BRINP3: variants seen among roughly 807,000 people sequenced by gnomAD.
The protein encoded by BRINP3 is BMP/retinoic acid-inducible neural-specific protein 3.
A neutral mutation model predicts 71.0 loss-of-function variants in BRINP3; 19 were observed. The ratio of observed to expected loss-of-function variants is 0.27; its 90% CI spans 0.19 to 0.39. The LOEUF (loss-of-function observed/expected upper bound fraction) is 0.39, where lower values mean the gene tolerates loss of function less well. Among genes scored for constraint, BRINP3 ranks in the 10% least tolerant of loss-of-function variants. The pLI is 1.00. For synonymous variants in BRINP3, 380 were observed against 337.7 expected, an observed-to-expected ratio of 1.13 and a Z score of -1.37; for missense variants, 959 against 940.8, an observed-to-expected ratio of 1.02 and a Z score of -0.25.
At chr1:190,334,020 G>A (rs575410394) in intron 2 of BRINP3, among the ~76,000 whole-genome samples, 4 of 151,864 alleles carry the variant, frequency 2.6e-5, no homozygotes, top group Non-Finnish European at 4.4e-5. Context: ...TTTGCACAAC[G>A]CTATATGAGC....
intron 7 of BRINP3, among the ~76,000 whole-genome samples, chr1:190,152,673 G>T (rs1656517536): frequency 6.6e-6 from 1 of 151,704 alleles, no homozygotes; most frequent in Non-Finnish European, 1.5e-5. Context: ...AGAGTTCACT[G>T]GACAAAATGT....
intron 7 of BRINP3, among the ~76,000 whole-genome samples, chr1:190,152,138 G>A (rs929182328): frequency 2.0e-5 from 3 of 151,902 alleles, no homozygotes; most frequent in Non-Finnish European, 2.9e-5. Flanking sequence ...GTATTTATTT[G>A]AGATAAAATA....
Position 190,453,203 on chromosome 1 carries a change from A to ATTTTTTTTTTTTTTTTTTTTTTTTTT in BRINP3, c.236+1426_236+1451dup, listed in dbSNP as rs1190785225. Among the ~76,000 whole-genome samples, 15 of 40,906 alleles carry ATTTTTTTTTTTTTTTTTTTTTTTTTT rather than the reference A, an allele frequency of 3.7e-4. 6 individuals carry two copies. The highest frequency in any genetic ancestry group is 9.2e-4 in the East Asian group (1 of 1,090). 26.8% of individuals were successfully genotyped at this position (40,906 alleles called of 152,430 possible). ...ACTTTTCAGAAAGAAAAACTTTAGT[A>ATTTTTTTTTTTTTTTTTTTTTTTTTT]TTTTTTTTTTTTTTTTTTTTTTTTT... is the stretch of plus-strand genomic sequence containing the variant. On this transcript the variant is annotated intron_variant, in intron 2 of 7. Coordinates refer to ENST00000367462, the MANE Select transcript of BRINP3 (RefSeq NM_199051.3).
At position 190,160,807 on chromosome 1, in the gene BRINP3, A is replaced by T; in HGVS notation, c.1045T>A (p.Ser349Thr). The change falls in exon 7 of 8, where the codon TCT (serine) becomes ACT (threonine). Residue 349 changes from serine (S) to threonine (T), a missense_variant. By Grantham distance (58) the Ser-to-Thr change is moderately conservative (BLOSUM62 1). Transcript: ENST00000367462. Reference protein sequence around the residue: ...STIMHLWTMDSNFQRRYEQLE... With the variant: ...STIMHLWTMDTNFQRRYEQLE... The stretch of plus-strand genomic sequence containing the variant: ...TGTTCATAACGGCGCTGAAAATTAG[A>T]ATCCATTGTCCACAAATGCATTATA... The T allele has an allele frequency of 6.2e-7, 1 of 1,613,664 alleles. No homozygotes were observed. Among genetic ancestry groups the T allele is most frequent in the Non-Finnish European group, 8.5e-7 (1 of 1,179,726 alleles).
At chr1:190,321,282 T>G (rs2103051322) in intron 2 of BRINP3, among the ~76,000 whole-genome samples, 1 of 152,204 alleles carries the variant, frequency 6.6e-6, no homozygotes, top group African/African-American at 2.4e-5. Flanking sequence ...CCACTCTATT[T>G]ATTATCCTGA....
chr1:190,317,065 G>C lies in BRINP3; in HGVS notation c.237-35315C>G, dbSNP rs569971942. Among the ~76,000 whole-genome samples, 5 of 151,316 alleles carry C rather than the reference G, an allele frequency of 3.3e-5. No homozygotes were observed. In the East Asian group the frequency reaches 5.9e-4, roughly 18 times the overall value. On this transcript the variant is annotated intron_variant, in intron 2 of 7. Transcript: ENST00000367462. ...TGGGTGCCTATAATCCCAGCTACTC[G>C]GGAGGCTGAGATGGGAGAATCACTT...
intron 7 of BRINP3, among the ~76,000 whole-genome samples, chr1:190,140,883 T>C (rs1479299032): frequency 6.6e-6 from 1 of 152,180 alleles, no homozygotes; most frequent in Admixed American, 6.5e-5. Context: ...CTGAAGAGAA[T>C]GATAGTCTGC....
At chr1:190,120,255 C>T (rs1653528009) in intron 7 of BRINP3, among the ~76,000 whole-genome samples, 1 of 152,128 alleles carries the variant, frequency 6.6e-6, no homozygotes, top group Non-Finnish European at 1.5e-5. Flanking sequence ...AACCTTATCT[C>T]ATTGCAGCCA....
At chr1:190,394,075 C>T (rs1453152609) in intron 2 of BRINP3, among the ~76,000 whole-genome samples, 1 of 151,380 alleles carries the variant, frequency 6.6e-6, no homozygotes, top group Non-Finnish European at 1.5e-5. Flanking sequence ...TTTTTAATTT[C>T]TTATCAGTTA....
chr1:190,269,772 A>C (rs1421118881), intron 3 of BRINP3, among the ~76,000 whole-genome samples: 1 of 152,114 alleles, frequency 6.6e-6, no homozygotes, highest in African/African-American at 2.4e-5. Context: ...TTGGAAAAGT[A>C]GAAATAAACA....
At chr1:190,123,378 CTG>C (rs1164361950) in intron 7 of BRINP3, among the ~76,000 whole-genome samples, 10 of 152,116 alleles carry the variant, frequency 6.6e-5, no homozygotes, top group Non-Finnish European at 4.4e-5. Context: ...ACTCAGGAGT[CTG>C]TGTCTTCTGC....
rs141790017 is a variant in BRINP3, at chr1:190,285,643, T to C, written c.237-3893A>G. 4.2e-3 allele frequency among the ~76,000 whole-genome samples: 635 copies of C among 152,052 alleles called. 2 individuals are homozygous for C. The highest frequency in any genetic ancestry group is 5.6e-3 in the Non-Finnish European group (379 of 67,982). On this transcript the variant is annotated intron_variant, in intron 2 of 7. Coordinates refer to ENST00000367462, the MANE Select transcript of BRINP3 (RefSeq NM_199051.3). Reference sequence around the variant, plus strand: ...CTAGTATATCATTATTGATGTAAAGTTTTTTGACTCTGGGAAATCTTAGGA... The same window carrying C: ...CTAGTATATCATTATTGATGTAAAGCTTTTTGACTCTGGGAAATCTTAGGA...
At chr1:190,225,373 C>G (rs865842504) in intron 6 of BRINP3, among the ~76,000 whole-genome samples, 3 of 151,782 alleles carry the variant, frequency 2.0e-5, no homozygotes, top group South Asian at 4.1e-4. Context: ...AAGTCAATCA[C>G]AGAAAGACAA....
intron 2 of BRINP3, among the ~76,000 whole-genome samples, chr1:190,453,740 C>T (rs1386067303): frequency 1.3e-5 from 2 of 152,096 alleles, no homozygotes; most frequent in African/African-American, 4.8e-5. Context: ...TACAGACAAA[C>T]ATGAAGCACA....
chr1:190,448,192 T>A (rs973284767), intron 2 of BRINP3, among the ~76,000 whole-genome samples: 3 of 151,752 alleles, frequency 2.0e-5, no homozygotes, highest in Non-Finnish European at 4.4e-5. Context: ...GCAAACAGTT[T>A]AATTGATTTC....
chr1:190,326,571 A>C (rs1666590277), intron 2 of BRINP3, among the ~76,000 whole-genome samples: 1 of 152,060 alleles, frequency 6.6e-6, no homozygotes, highest in Non-Finnish European at 1.5e-5. Flanking sequence ...ATCACATATA[A>C]AGGGAACGCT....
intron 7 of BRINP3, among the ~76,000 whole-genome samples, chr1:190,129,551 A>G (rs911341809): frequency 1.3e-5 from 2 of 152,098 alleles, no homozygotes; most frequent in South Asian, 2.1e-4. Flanking sequence ...AACACTAAGG[A>G]CAATAAGCCA....
At chr1:190,392,443 TA>T (rs1489639565) in intron 2 of BRINP3, among the ~76,000 whole-genome samples, 1 of 151,540 alleles carries the variant, frequency 6.6e-6, no homozygotes, top group Non-Finnish European at 1.5e-5. Context: ...AAAAGTGAGG[TA>T]ACTTGACTTG....
At chr1:190,328,169 G>A (rs1666735152) in intron 2 of BRINP3, among the ~76,000 whole-genome samples, 1 of 151,922 alleles carries the variant, frequency 6.6e-6, no homozygotes, top group South Asian at 2.1e-4. Flanking sequence ...GAAACAAAGT[G>A]ACCCCAAAGC....
Sources: gnomAD v4.1 joint callset for allele counts (sites outside exome capture counted in the v4.1 genomes callset) on GRCh38, gnomAD v4.1.1 for gene constraint, MANE v1.5 for transcripts, NCBI Gene and HGNC (gene_info 2026-07-23, HGNC 2026-07-21) for gene names.